Variants in GRIA4 observed in about 807,000 individuals in gnomAD.
GRIA4 encodes the protein glutamate ionotropic receptor AMPA type subunit 4.
In GRIA4, 34 loss-of-function variants were observed where a neutral mutation model predicts 104.0. The ratio of observed to expected loss-of-function variants is 0.33; its 90% CI spans 0.25 to 0.44. GRIA4 has a LOEUF of 0.44. Ranked by LOEUF, GRIA4 falls within the 20% of genes least tolerant of loss-of-function variation. The pLI, the probability that GRIA4 is intolerant of heterozygous loss-of-function variation, is 1.00. For missense variants in GRIA4, 750 were observed against 1,096.5 expected (o/e 0.68, Z 4.46); for synonymous variants, 386 against 381.9 (o/e 1.01, Z -0.13).
At chr11:105,660,526 T>G (rs757067987) in intron 3 of GRIA4, among the ~76,000 whole-genome samples, 1 of 151,616 alleles carries the variant, frequency 6.6e-6, no homozygotes, top group East Asian at 1.9e-4. Flanking sequence ...GTTACAGATA[T>G]TGTTCTTGGA....
chr11:105,803,613 T>C (rs1942812971), intron 4 of GRIA4, among the ~76,000 whole-genome samples: 1 of 151,874 alleles, frequency 6.6e-6, no homozygotes, highest in Non-Finnish European at 1.5e-5. Context: ...ATATTTTAGA[T>C]CAATGTTCAT....
chr11:105,680,666 T>C (rs1032378319), intron 3 of GRIA4, among the ~76,000 whole-genome samples: 2 of 152,118 alleles, frequency 1.3e-5, no homozygotes, highest in South Asian at 4.1e-4. Context: ...AAAATATATC[T>C]TCAAAATGGA....
chr11:105,730,988 C>T (rs1433456039), intron 3 of GRIA4, among the ~76,000 whole-genome samples: 2 of 152,114 alleles, frequency 1.3e-5, no homozygotes, highest in African/African-American at 2.4e-5. Context: ...ATGAGTAAAA[C>T]ACCAAAGGCA....
At chr11:105,794,707 T>C (rs555856952) in intron 4 of GRIA4, among the ~76,000 whole-genome samples, 1 of 150,828 alleles carries the variant, frequency 6.6e-6, no homozygotes, top group South Asian at 2.1e-4. Flanking sequence ...GACCTGTCCT[T>C]ACAGAGCTGA....
intron 11 of GRIA4, among the ~76,000 whole-genome samples, chr11:105,919,479 C>T (rs1947500407): frequency 6.6e-6 from 1 of 152,106 alleles, no homozygotes; most frequent in African/African-American, 2.4e-5. Context: ...GCAGTGCCAT[C>T]ATTTTTTATA....
intron 2 of GRIA4, among the ~76,000 whole-genome samples, chr11:105,611,924 A>G (rs754631133): frequency 5.9e-5 from 9 of 152,158 alleles, no homozygotes; most frequent in Non-Finnish European, 1.2e-4. Context: ...ATTTTAATGT[A>G]AATCTCTTTT....
chr11:105,912,858 T>TG, intron 10 of GRIA4: 1 of 982,812 alleles, frequency 1.0e-6, no homozygotes, highest in Non-Finnish European at 1.2e-6. Context: ...TATTGGCATC[T>TG]GCATGTAATT....
intron 6 of GRIA4, among the ~76,000 whole-genome samples, chr11:105,889,683 C>T (rs769099422): frequency 4.2e-4 from 64 of 152,092 alleles, no homozygotes; most frequent in Admixed American, 4.0e-3. Context: ...TTCTATTGAA[C>T]GTTGTACTGA....
At chr11:105,681,135 T>G (rs957954307) in intron 3 of GRIA4, among the ~76,000 whole-genome samples, 1 of 152,236 alleles carries the variant, frequency 6.6e-6, no homozygotes, top group East Asian at 1.9e-4. Flanking sequence ...GAGCATATGA[T>G]CCTTGGGGAG....
At chr11:105,888,837 G>A (rs1483864020) in intron 6 of GRIA4, among the ~76,000 whole-genome samples, 2 of 152,014 alleles carry the variant, frequency 1.3e-5, no homozygotes, top group Non-Finnish European at 2.9e-5. Context: ...ATAATCTTGC[G>A]ACTTAATGGA....
At chr11:105,814,260 T>C (rs1943289881) in intron 4 of GRIA4, among the ~76,000 whole-genome samples, 2 of 152,150 alleles carry the variant, frequency 1.3e-5, no homozygotes, top group Non-Finnish European at 2.9e-5. Flanking sequence ...GTGGCTGCTA[T>C]GGGGGAAAAT....
intron 3 of GRIA4, among the ~76,000 whole-genome samples, chr11:105,701,497 T>C (rs1953489653): frequency 6.6e-6 from 1 of 152,042 alleles, no homozygotes; most frequent in Admixed American, 6.6e-5. Flanking sequence ...TTTCCTTATT[T>C]TGAAGCACAA....
intron 4 of GRIA4, among the ~76,000 whole-genome samples, chr11:105,819,181 C>A (rs995672151): frequency 1.3e-5 from 2 of 152,100 alleles, no homozygotes; most frequent in African/African-American, 4.8e-5. Flanking sequence ...TGGCTCTTTA[C>A]TTATTTATGT....
intron 14 of GRIA4, among the ~76,000 whole-genome samples, chr11:105,935,258 A>C (rs1166823419): frequency 6.6e-6 from 1 of 152,200 alleles, no homozygotes. Context: ...AGCATTAAAA[A>C]GAGGTAAAAC....
intron 3 of GRIA4, among the ~76,000 whole-genome samples, chr11:105,694,153 ATTT>A (rs11317726): frequency 2.0e-5 from 3 of 147,138 alleles, no homozygotes; most frequent in African/African-American, 5.0e-5. Context: ...AAACAAGCTA[ATTT>A]TTTTTTTTTT....
rs150577695 is a variant in GRIA4, at chr11:105,611,080, A to G, written c.83A>G (p.Gln28Arg). ...LAMGAFPSSV[Q>R]IGGLFIRNTD... ...ATGGGAGCCTTTCCGAGCAGCGTGC[A>G]AATAGGTAAGGTGTGCTCCGATGGG... is the stretch of plus-strand genomic sequence containing the variant. Residue 28 changes from glutamine to arginine, a missense_variant, in exon 2 of 17, where the codon CAA (glutamine) becomes CGA (arginine). Physicochemically the swap from Gln to Arg is conservative, Grantham distance 43. Coordinates refer to ENST00000282499, the MANE Select transcript of GRIA4 (RefSeq NM_000829.4). 2.5e-6 allele frequency: 4 copies of G among 1,611,212 alleles called. No individual in the cohort carries two copies. Among genetic ancestry groups the G allele is most frequent in the Non-Finnish European group, 3.4e-6 (4 of 1,177,522 alleles).
rs536357929 is a variant in GRIA4 at position 105,644,282 on chromosome 11, T to C, written c.247+31848T>C. ...CCACATCAAGCTCAGTGGTCTATAA[T>C]TGTTGAGTCTAACACTTTATCTTTT... On this transcript the variant is annotated intron_variant, in intron 3 of 16. Coordinates refer to ENST00000282499, the MANE Select transcript of GRIA4 (RefSeq NM_000829.4). Among the ~76,000 whole-genome samples the C allele has an allele frequency of 1.2e-4, 19 of 152,138 alleles. 1 individual carries two copies. The East Asian group carries it at 2.5e-3, about 20-fold the overall frequency.
intron 4 of GRIA4, among the ~76,000 whole-genome samples, chr11:105,832,759 G>A (rs986807736): frequency 6.6e-6 from 1 of 152,020 alleles, no homozygotes; most frequent in Non-Finnish European, 1.5e-5. Context: ...TGTGGCAGAA[G>A]CTGGGACTCA....
intron 4 of GRIA4, among the ~76,000 whole-genome samples, chr11:105,774,222 A>G (rs908624558): frequency 6.6e-6 from 1 of 151,496 alleles, no homozygotes; most frequent in Non-Finnish European, 1.5e-5. Flanking sequence ...AAAGAGCTTG[A>G]GGCAAAGAGG....
Sources: allele counts gnomAD v4.1 joint callset (sites outside exome capture counted in the v4.1 genomes callset), GRCh38; gene constraint gnomAD v4.1.1; transcripts MANE v1.5; gene names NCBI Gene and HGNC (gene_info 2026-07-23, HGNC 2026-07-21).